The following SUPT3H variants were observed in gnomAD, a reference collection of about 807,000 sequenced individuals.
SUPT3H encodes the protein SPT3 homolog, SAGA and STAGA complex component, also known as transcription initiation protein SPT3 homolog.
A neutral mutation model predicts 44.3 loss-of-function variants in SUPT3H; 44 were observed. The ratio of observed to expected loss-of-function variants is 0.99; its 90% confidence interval spans 0.78 to 1.28. The LOEUF is 1.28. Among genes scored for constraint, SUPT3H ranks in the 50% most tolerant of loss-of-function variants. SUPT3H has a pLI of 0.00. For synonymous variants in SUPT3H, 124 were observed against 125.6 expected, an observed-to-expected ratio of 0.99 and a Z score of 0.09; for missense variants, 380 against 387.1, an observed-to-expected ratio of 0.98 and a Z score of 0.15.
At chr6:45,273,346 G>A (rs1156593076) in intron 2 of SUPT3H, among the ~76,000 whole-genome samples, 1 of 151,890 alleles carries the variant, frequency 6.6e-6, no homozygotes, top group African/African-American at 2.4e-5. Flanking sequence ...TGATCTCTTG[G>A]GGCACTGTCG....
intron 9 of SUPT3H, among the ~76,000 whole-genome samples, chr6:44,943,815 A>T (rs1295903476): frequency 6.6e-6 from 1 of 152,074 alleles, no homozygotes; most frequent in East Asian, 1.9e-4. Flanking sequence ...AAGAAAAAGT[A>T]AAGACTTTTT....
At position 45,253,872 on chromosome 6, in the gene SUPT3H, T is replaced by TCCC. The variant is rs1772844525; in HGVS notation, c.101+111328_101+111329insGGG. 4.0e-5 allele frequency among the ~76,000 whole-genome samples: 5 copies of TCCC among 124,098 alleles called. No individual in the cohort carries two copies. In the East Asian group the frequency reaches 1.2e-3, roughly 30 times the overall value. The allele number at this position is 124,098 out of a possible 152,430, so 81.4% of individuals were successfully genotyped here. A position where few individuals can be genotyped will look rare whatever the true frequency, so the allele number is the denominator to read the frequency against. The stretch of plus-strand genomic sequence containing the variant: ...GCATATATATATATATATATATATA[T>TCCC]ACACACACACAGTACATATATAGAA... On this transcript the variant is annotated intron_variant, in intron 2 of 10. Coordinates refer to ENST00000371459, the MANE Select transcript of SUPT3H (RefSeq NM_003599.4).
intron 2 of SUPT3H, among the ~76,000 whole-genome samples, chr6:45,192,090 T>C (rs1029020770): frequency 1.3e-5 from 2 of 152,176 alleles, no homozygotes; most frequent in African/African-American, 4.8e-5. Context: ...AAGTTTTTCG[T>C]ATCTGTTAGT....
At chr6:44,888,900 T>TTGTC (rs1372112988) in intron 10 of SUPT3H, among the ~76,000 whole-genome samples, 6 of 121,632 alleles carry the variant, frequency 4.9e-5, no homozygotes, top group African/African-American at 1.9e-4. Flanking sequence ...CTTAAGCTGA[T>TTGTC]AAGCGACTTC....
At chr6:45,337,771 ATGTTTATTTT>A (rs1456299528) in intron 2 of SUPT3H, among the ~76,000 whole-genome samples, 1 of 151,922 alleles carries the variant, frequency 6.6e-6, no homozygotes, top group Non-Finnish European at 1.5e-5. Context: ...GTTGGTTGTT[ATGTTTATTTT>A]TGTTTATTTG....
chr6:45,311,890 CA>C (rs925806358), intron 2 of SUPT3H, among the ~76,000 whole-genome samples: 3 of 151,966 alleles, frequency 2.0e-5, no homozygotes, highest in Admixed American at 2.0e-4. Context: ...ACCTATAAAA[CA>C]AAAATACAAG....
chr6:45,259,914 T>C (rs1774076121), intron 2 of SUPT3H, among the ~76,000 whole-genome samples: 1 of 152,190 alleles, frequency 6.6e-6, no homozygotes, highest in South Asian at 2.1e-4. Context: ...AACATATAAA[T>C]TATCATTAGA....
intron 2 of SUPT3H, among the ~76,000 whole-genome samples, chr6:45,125,721 ACT>A (rs972710464): frequency 9.9e-5 from 15 of 151,912 alleles, no homozygotes; most frequent in African/African-American, 3.1e-4. Flanking sequence ...GCTTCAGTAA[ACT>A]CTCATTTCTA....
chr6:45,368,411 G>A (rs1581965280), intron 1 of SUPT3H, among the ~76,000 whole-genome samples: 1 of 152,078 alleles, frequency 6.6e-6, no homozygotes, highest in African/African-American at 2.4e-5. Flanking sequence ...AAGGATGCAC[G>A]CCTTTCCTCA....
chr6:45,068,366 T>C (rs1793775976), intron 3 of SUPT3H, among the ~76,000 whole-genome samples: 1 of 138,614 alleles, frequency 7.2e-6, no homozygotes, highest in East Asian at 2.3e-4. Context: ...TAATGCTAGA[T>C]GACGAGTTAG....
chr6:45,242,683 T>A (rs754443663), intron 2 of SUPT3H, among the ~76,000 whole-genome samples: 1 of 152,174 alleles, frequency 6.6e-6, no homozygotes, highest in African/African-American at 2.4e-5. Context: ...ATAACTAATC[T>A]ATAATTAAAT....
At position 44,913,947 on chromosome 6, in the gene SUPT3H, T is replaced by C. The variant is rs189880661; in HGVS notation, c.912+18706A>G. 2.2e-3 allele frequency among the ~76,000 whole-genome samples: 332 copies of C among 152,306 alleles called. 1 individual carries two copies. The highest frequency in any genetic ancestry group is 7.6e-3 in the African/African-American group (316 of 41,578). On this transcript the variant is annotated intron_variant, in intron 10 of 10. Transcript: ENST00000371459. ...TATCAACTATCAACTTGAGTCCTCA[T>C]TAAATATTTTCCATTTAATAGCTCA...
chr6:45,129,544 C>A (rs527623760), intron 2 of SUPT3H, among the ~76,000 whole-genome samples: 1 of 152,106 alleles, frequency 6.6e-6, no homozygotes, highest in Non-Finnish European at 1.5e-5. Flanking sequence ...TGAAAGTTCA[C>A]CGTCCTAGAT....
intron 2 of SUPT3H, among the ~76,000 whole-genome samples, chr6:45,281,533 G>A (rs568356964): frequency 3.9e-5 from 6 of 152,256 alleles, no homozygotes; most frequent in South Asian, 2.1e-4. Flanking sequence ...AGGTGGCAGC[G>A]AGGTTGGGGG....
intron 10 of SUPT3H, among the ~76,000 whole-genome samples, chr6:44,894,422 G>T (rs950320335): frequency 2.6e-5 from 4 of 152,168 alleles, no homozygotes; most frequent in Non-Finnish European, 5.9e-5. Flanking sequence ...AAGGGATCCA[G>T]TTTCAGCTTT....
intron 2 of SUPT3H, among the ~76,000 whole-genome samples, chr6:45,148,281 A>G (rs1335121270): frequency 1.3e-5 from 2 of 152,166 alleles, no homozygotes; most frequent in African/African-American, 4.8e-5. Context: ...TCAAACTCCT[A>G]TGAGGTCAAT....
At chr6:45,019,530 T>C (rs1376391334) in intron 4 of SUPT3H, among the ~76,000 whole-genome samples, 1 of 152,076 alleles carries the variant, frequency 6.6e-6, no homozygotes, top group Non-Finnish European at 1.5e-5. Context: ...AAGTAACTGA[T>C]AATCCTTTGT....
intron 2 of SUPT3H, among the ~76,000 whole-genome samples, chr6:45,214,015 CAAAAAAAAAA>C (rs11418358): frequency 2.7e-5 from 2 of 74,120 alleles, no homozygotes; most frequent in Admixed American, 1.8e-4. Context: ...TTTTGAAATG[CAAAAAAAAAA>C]AAAAAAAAAA....
Position 45,304,054 on chromosome 6 carries a change from T to C in SUPT3H, c.101+61147A>G, listed in dbSNP as rs144939002. On this transcript the variant is annotated intron_variant, in intron 2 of 10. Coordinates refer to ENST00000371459, the MANE Select transcript of SUPT3H (RefSeq NM_003599.4). ...TTCTCTTTTAATAGACTATATACTG[T>C]AGAAAGCTAAATATGTTGGCAGATG... is the stretch of plus-strand genomic sequence containing the variant. Among the ~76,000 whole-genome samples the C allele has an allele frequency of 2.6e-3, 389 of 152,118 alleles. 3 individuals carry two copies. The highest frequency in any genetic ancestry group is 8.5e-3 in the African/African-American group (353 of 41,530).
Sources: allele counts gnomAD v4.1 joint callset (sites outside exome capture counted in the v4.1 genomes callset), GRCh38; gene constraint gnomAD v4.1.1; transcripts MANE v1.5; gene names NCBI Gene and HGNC (gene_info 2026-07-23, HGNC 2026-07-21).